The following TGFB2 variants were observed in gnomAD, a reference collection of about 807,000 sequenced individuals.
TGFB2 encodes the protein transforming growth factor beta 2, also known as transforming growth factor beta-2 proprotein.
Under a neutral mutation model 42.7 loss-of-function variants are expected in TGFB2, and 13 were observed. The observed-to-expected ratio is 0.30, with a 90% CI of 0.20 to 0.48. The LOEUF is 0.48. Among genes scored for constraint, TGFB2 ranks in the 20% least tolerant of loss-of-function variants. The probability of loss-of-function intolerance (pLI) is 0.99; values close to 1 mark genes in which losing one functional copy is unlikely to be tolerated. For synonymous variants in TGFB2, 193 were observed against 193.6 expected (o/e 1.00, Z 0.03); for missense variants, 390 against 517.5 (o/e 0.75, Z 2.39).
chr1:218,401,447 C>T (rs6703224), intron 1 of TGFB2, among the ~76,000 whole-genome samples: 24,060 of 151,954 alleles, frequency 0.16, 3,496 homozygotes, highest in African/African-American at 0.39. Context: ...AAATTTTCCC[C>T]GGGAGGAAGG....
At chr1:218,371,366 G>A (rs1337671279) in intron 1 of TGFB2, among the ~76,000 whole-genome samples, 1 of 152,110 alleles carries the variant, frequency 6.6e-6, no homozygotes, top group Non-Finnish European at 1.5e-5. Flanking sequence ...TTGTGGATAT[G>A]ACATGATTGG....
intron 2 of TGFB2, among the ~76,000 whole-genome samples, chr1:218,410,734 T>C (rs531023196): frequency 6.6e-6 from 1 of 152,338 alleles, no homozygotes; most frequent in South Asian, 2.1e-4. Context: ...AAAACTCCAG[T>C]GCTCTAGGAA....
At chr1:218,356,085 G>A (rs989852725) in intron 1 of TGFB2, among the ~76,000 whole-genome samples, 14 of 152,118 alleles carry the variant, frequency 9.2e-5, no homozygotes, top group African/African-American at 3.4e-4. Flanking sequence ...CCCATCTGTG[G>A]AATCAAGAAC....
At chr1:218,360,767 T>A (rs958462168) in intron 1 of TGFB2, among the ~76,000 whole-genome samples, 2 of 152,254 alleles carry the variant, frequency 1.3e-5, no homozygotes, top group African/African-American at 4.8e-5. Flanking sequence ...TTACAAAGCC[T>A]TTTCGCATAT....
chr1:218,427,095 A>G (rs1340827603), intron 2 of TGFB2, among the ~76,000 whole-genome samples: 1 of 152,198 alleles, frequency 6.6e-6, no homozygotes, highest in African/African-American at 2.4e-5. Context: ...ATTAGAAAAA[A>G]AATTATTGTG....
intron 2 of TGFB2, among the ~76,000 whole-genome samples, chr1:218,421,876 A>G (rs186614349): frequency 6.3e-4 from 96 of 152,290 alleles, no homozygotes; most frequent in Non-Finnish European, 3.8e-4. Flanking sequence ...AAGCTATGCA[A>G]CTATAGCCAA....
chr1:218,379,124 T>TTA, intron 1 of TGFB2, among the ~76,000 whole-genome samples: 2 of 84,100 alleles, frequency 2.4e-5, no homozygotes, highest in Non-Finnish European at 2.6e-5. Context: ...TTTTCTTTCT[T>TTA]TCTTTCTTTT....
intron 1 of TGFB2, among the ~76,000 whole-genome samples, chr1:218,388,459 C>T (rs1464452855): frequency 6.6e-6 from 1 of 152,142 alleles, no homozygotes; most frequent in South Asian, 2.1e-4. Flanking sequence ...TCCGCTGTGC[C>T]CACTGAGGTG....
intron 1 of TGFB2, among the ~76,000 whole-genome samples, chr1:218,401,349 C>T (rs1269940811): frequency 2.0e-5 from 3 of 152,026 alleles, no homozygotes; most frequent in Admixed American, 2.0e-4. Context: ...TCCCTTCCGT[C>T]CCCAAAATAT....
At chr1:218,420,825 T>C (rs1261972760) in intron 2 of TGFB2, among the ~76,000 whole-genome samples, 1 of 152,216 alleles carries the variant, frequency 6.6e-6, no homozygotes, top group Non-Finnish European at 1.5e-5. Context: ...ATAATGTAGC[T>C]ATCTGAGCTC....
chr1:218,375,491 A>G (rs1657712583), intron 1 of TGFB2, among the ~76,000 whole-genome samples: 1 of 151,138 alleles, frequency 6.6e-6, no homozygotes, highest in East Asian at 1.9e-4. Flanking sequence ...AGAAGAAATT[A>G]TCTAACACAG....
intron 2 of TGFB2, among the ~76,000 whole-genome samples, chr1:218,433,216 C>A (rs1272916298): frequency 6.6e-6 from 1 of 152,036 alleles, no homozygotes. Flanking sequence ...TTACAGGCGC[C>A]CACCACTGTG....
intron 1 of TGFB2, among the ~76,000 whole-genome samples, chr1:218,351,201 G>C (rs1656857400): frequency 6.6e-6 from 1 of 152,216 alleles, no homozygotes; most frequent in African/African-American, 2.4e-5. Context: ...CTTGCCCAAT[G>C]AAGGAAAATG....
At chr1:218,423,058 TG>T (rs1394490839) in intron 2 of TGFB2, among the ~76,000 whole-genome samples, 2 of 152,094 alleles carry the variant, frequency 1.3e-5, no homozygotes, top group Admixed American at 1.3e-4. Flanking sequence ...AGTATGGATG[TG>T]GGAGTGATGT....
intron 1 of TGFB2, among the ~76,000 whole-genome samples, chr1:218,395,565 A>G (rs1337028384): frequency 6.6e-6 from 1 of 151,940 alleles, no homozygotes; most frequent in East Asian, 1.9e-4. Flanking sequence ...CTTTAGCCCA[A>G]AGTTATTTTA....
intron 1 of TGFB2, among the ~76,000 whole-genome samples, chr1:218,398,872 A>C (rs1013239335): frequency 6.6e-5 from 10 of 152,102 alleles, no homozygotes; most frequent in African/African-American, 2.4e-4. Flanking sequence ...GGCGTGAGCC[A>C]CTGTGCCTGG....
chr1:218,410,151 G>T (rs1341022191), intron 2 of TGFB2, among the ~76,000 whole-genome samples: 2 of 152,242 alleles, frequency 1.3e-5, no homozygotes, highest in African/African-American at 4.8e-5. Context: ...CTTCCAATTG[G>T]AATTCGCAGA....
At chr1:218,392,636 G>A (rs1280380514) in intron 1 of TGFB2, among the ~76,000 whole-genome samples, 1 of 152,218 alleles carries the variant, frequency 6.6e-6, no homozygotes, top group East Asian at 1.9e-4. Context: ...AGTAAGAAGA[G>A]TTTGATGCTT....
intron 2 of TGFB2, among the ~76,000 whole-genome samples, chr1:218,425,208 T>C (rs921197180): frequency 6.6e-6 from 1 of 152,022 alleles, no homozygotes; most frequent in Non-Finnish European, 1.5e-5. Flanking sequence ...GTTTGTTTGT[T>C]TGTTTTTGTT....
Sources: gnomAD v4.1 joint callset for allele counts (sites outside exome capture counted in the v4.1 genomes callset) on GRCh38, gnomAD v4.1.1 for gene constraint, MANE v1.5 for transcripts, NCBI Gene and HGNC (gene_info 2026-07-23, HGNC 2026-07-21) for gene names.